The following RNF216 variants were observed in gnomAD, a reference collection of about 807,000 sequenced individuals.
RNF216 encodes ring finger protein 216.
A neutral mutation model predicts 110.8 loss-of-function variants in RNF216; 72 were observed. That is an observed-to-expected ratio of 0.65 (90% CI 0.54 to 0.79). The LOEUF (loss-of-function observed/expected upper bound fraction) is 0.79, where lower values mean the gene tolerates loss of function less well. RNF216 is among the 30% of genes least tolerant of loss of function. The pLI, the probability that RNF216 is intolerant of heterozygous loss-of-function variation, is 0.00. For synonymous variants in RNF216, 495 were observed against 407.5 expected (o/e 1.21, Z -2.59); for missense variants, 1,342 against 1,141.2 (o/e 1.18, Z -2.54).
intron 15 of RNF216, among the ~76,000 whole-genome samples, chr7:5,632,010 C>CAA (rs1462621918): frequency 6.6e-6 from 1 of 152,212 alleles, no homozygotes; most frequent in Non-Finnish European, 1.5e-5. Flanking sequence ...GCTGGACCAC[C>CAA]AAGGTGGGCA....
At chr7:5,686,449 C>T (rs1039532674) in intron 13 of RNF216, among the ~76,000 whole-genome samples, 2 of 152,086 alleles carry the variant, frequency 1.3e-5, no homozygotes, top group South Asian at 4.1e-4. Flanking sequence ...TGCGGACAGT[C>T]ACACAGTGGT....
chr7:5,640,434 G>A (rs977341953), intron 15 of RNF216, among the ~76,000 whole-genome samples: 4 of 152,074 alleles, frequency 2.6e-5, no homozygotes, highest in African/African-American at 9.7e-5. Context: ...CTCCAGATCT[G>A]AGGCCGGCCC....
chr7:5,653,553 A>G (rs1166687748), intron 13 of RNF216, among the ~76,000 whole-genome samples: 1 of 138,968 alleles, frequency 7.2e-6, no homozygotes, highest in East Asian at 2.4e-4. Flanking sequence ...GTGAGCCGAG[A>G]TCGCGCCACT....
At chr7:5,666,750 G>A (rs1215918298) in intron 13 of RNF216, 3 of 151,810 alleles carry the variant, frequency 2.0e-5, no homozygotes, top group African/African-American at 4.8e-5. Context: ...CCTTCCAAAG[G>A]ATTTGCTCCC....
intron 9 of RNF216, 94 bp downstream of exon 9, chr7:5,720,939 G>C: frequency 8.0e-7 from 1 of 1,246,048 alleles, no homozygotes; most frequent in Non-Finnish European, 1.1e-6. Flanking sequence ...CTGAAGAAAA[G>C]GGAAATCTTA....
At position 5,622,338 on chromosome 7, in the gene RNF216, T is replaced by G; in HGVS notation, c.*522A>C. ...ACACTCACTGCAGTGGCGCACGGGT[T>G]TTGGATGGGGGGACAGCATCTTGGC... On this transcript the variant is annotated 3_prime_UTR_variant, in exon 17 of 17. Transcript: ENST00000389902. The G allele has an allele frequency of 6.5e-6, 1 of 154,290 alleles. No individual in the cohort carries two copies. Among genetic ancestry groups the G allele is most frequent in the Non-Finnish European group, 1.4e-5 (1 of 69,446 alleles). 9.6% of individuals were successfully genotyped at this position (154,290 alleles called of 1,614,324 possible).
chr7:5,652,484 G>A lies in RNF216; in HGVS notation c.2088C>T (p.Leu696=). 6.2e-7 allele frequency: 1 copy of A among 1,613,756 alleles called. No individual in the cohort carries two copies. The highest frequency in any genetic ancestry group is 8.5e-7 in the Non-Finnish European group (1 of 1,179,708). ...RKETCRKCQG[L]WKEHNGLTCE... is the part of the protein sequence containing the mutation. ...AGGTGAGGCCATTATGTTCTTTCCA[G>A]AGTCCCTGACACTTCCTACAGGTTT... The change falls in exon 14 of 17, where the codon CTC becomes CTT. Residue 696 remains leucine, a synonymous_variant. Coordinates refer to ENST00000389902, the MANE Select transcript of RNF216 (RefSeq NM_207111.4).
intron 1 of RNF216, among the ~76,000 whole-genome samples, chr7:5,776,899 C>CAAAA (rs754872404): frequency 2.4e-5 from 2 of 83,562 alleles, no homozygotes; most frequent in African/African-American, 5.3e-5. Context: ...AGACTCTGTC[C>CAAAA]AAAAAAAAAA....
rs191758908 is a variant in RNF216, at chr7:5,674,771, A to G, written c.2062-22261T>C. 5.1e-4 allele frequency among the ~76,000 whole-genome samples: 77 copies of G among 152,242 alleles called. 1 individual carries two copies. The highest frequency in any genetic ancestry group is 6.8e-3 in the Middle Eastern group (2 of 294). On this transcript the variant is annotated intron_variant, in intron 13 of 16. Coordinates refer to ENST00000389902, the MANE Select transcript of RNF216 (RefSeq NM_207111.4). Reference sequence around the variant, plus strand: ...GTGGCTCTAGGAGGCCGAGGTTGGCAGATCACCTGAGATCAGGAGTTCAAG... The same window carrying G: ...GTGGCTCTAGGAGGCCGAGGTTGGCGGATCACCTGAGATCAGGAGTTCAAG...
At position 5,739,259 on chromosome 7, in the gene RNF216, C is replaced by G. The variant is rs376924574; in HGVS notation, c.1121+17G>C. On this transcript the variant is annotated intron_variant, in intron 5 of 16. Coordinates refer to ENST00000389902, the MANE Select transcript of RNF216 (RefSeq NM_207111.4). ...ACCACCACCACCACCACAAAAAAAG[C>G]ATGGTAGTATACTTACACATTCAGA... 1.2e-5 allele frequency: 18 copies of G among 1,527,016 alleles called. No individual in the cohort carries two copies. In the African/African-American group the frequency reaches 2.4e-4, roughly 20 times the overall value. 94.6% of individuals were successfully genotyped at this position (1,527,016 alleles called of 1,614,324 possible). A position where few individuals can be genotyped will look rare whatever the true frequency, so the allele number is the denominator to read the frequency against.
chr7:5,643,711 C>T (rs1298343498), intron 14 of RNF216, among the ~76,000 whole-genome samples: 1 of 152,142 alleles, frequency 6.6e-6, no homozygotes, highest in Non-Finnish European at 1.5e-5. Context: ...TTAAACCACT[C>T]TAACGTATAC....
intron 1 of RNF216, among the ~76,000 whole-genome samples, chr7:5,781,015 G>C (rs1253037702): frequency 6.6e-6 from 1 of 152,082 alleles, no homozygotes; most frequent in Non-Finnish European, 1.5e-5. Flanking sequence ...AGGGTTTGAC[G>C]CACTTGCGGC....
intron 13 of RNF216, among the ~76,000 whole-genome samples, chr7:5,707,718 G>GTGTTTT: frequency 1.1e-5 from 1 of 92,826 alleles, no homozygotes; most frequent in Non-Finnish European, 2.0e-5. Context: ...TGTGTGTGTG[G>GTGTTTT]TTTTTTTTTT....
intron 3 of RNF216, among the ~76,000 whole-genome samples, chr7:5,750,956 G>C (rs980497048): frequency 3.9e-5 from 6 of 152,162 alleles, no homozygotes; most frequent in African/African-American, 1.4e-4. Flanking sequence ...ATAAAACACA[G>C]CAAGTATTGC....
At chr7:5,705,391 C>G (rs1792216690) in intron 13 of RNF216, among the ~76,000 whole-genome samples, 1 of 152,210 alleles carries the variant, frequency 6.6e-6, no homozygotes, top group Non-Finnish European at 1.5e-5. Context: ...TTCTCCCCAC[C>G]TTCACATGCA....
chr7:5,752,605 T>A (rs967330817), intron 3 of RNF216, among the ~76,000 whole-genome samples: 2 of 152,200 alleles, frequency 1.3e-5, no homozygotes, highest in Non-Finnish European at 2.9e-5. Context: ...GTTGTAGCAA[T>A]GACAACAGTG....
intron 2 of RNF216, among the ~76,000 whole-genome samples, chr7:5,757,058 T>G (rs545517748): frequency 2.2e-4 from 33 of 152,346 alleles, no homozygotes; most frequent in African/African-American, 7.7e-4. Context: ...AAATATCTTC[T>G]AATTTTCATT....
At chr7:5,674,764 G>A (rs1790160645) in intron 13 of RNF216, among the ~76,000 whole-genome samples, 1 of 152,144 alleles carries the variant, frequency 6.6e-6, no homozygotes, top group African/African-American at 2.4e-5. Flanking sequence ...AGGAGGCCGA[G>A]GTTGGCAGAT....
chr7:5,714,186 C>T (rs1264702748), intron 11 of RNF216, among the ~76,000 whole-genome samples: 2 of 152,260 alleles, frequency 1.3e-5, no homozygotes, highest in East Asian at 3.9e-4. Flanking sequence ...TAGTCTCGAA[C>T]TCCTAATCTT....
Sources: gnomAD v4.1 joint callset for allele counts (sites outside exome capture counted in the v4.1 genomes callset) on GRCh38, gnomAD v4.1.1 for gene constraint, MANE v1.5 for transcripts, NCBI Gene and HGNC (gene_info 2026-07-23, HGNC 2026-07-21) for gene names.